The following AARS2 variants were observed in gnomAD, a reference collection of about 807,000 sequenced individuals.
AARS2 encodes the protein alanyl-tRNA synthetase 2, mitochondrial.
AARS2 carries 78 observed loss-of-function variants against 119.7 expected under a neutral mutation model. The observed-to-expected ratio is 0.65, with a 90% CI of 0.54 to 0.79. The LOEUF (loss-of-function observed/expected upper bound fraction) is 0.79, where lower values mean the gene tolerates loss of function less well. Among genes scored for constraint, AARS2 ranks in the 30% least tolerant of loss-of-function variants. AARS2 has a pLI of 0.00. For synonymous variants in AARS2, 502 were observed against 526.3 expected (o/e 0.95, Z 0.63); for missense variants, 1,157 against 1,291.3 (o/e 0.90, Z 1.59).
At chr6:44,313,048 C>T in intron 1 of AARS2, 33 bp downstream of exon 1, 1 of 1,611,724 alleles carries the variant, frequency 6.2e-7, no homozygotes, top group Admixed American at 1.7e-5. Flanking sequence ...AACTCACGAA[C>T]TCCGCTCCCT....
chr6:44,310,943 C>A, intron 4 of AARS2, 51 bp downstream of exon 4: 1 of 1,611,500 alleles, frequency 6.2e-7, no homozygotes, highest in Non-Finnish European at 8.5e-7. Flanking sequence ...CTAATTGCCA[C>A]CTTTCCCACT....
At chr6:44,310,230 T>C (rs1786227494) in intron 5 of AARS2, 69 bp downstream of exon 5, 4 of 1,526,992 alleles carry the variant, frequency 2.6e-6, no homozygotes, top group Non-Finnish European at 2.7e-6. Context: ...TCAACAAAGA[T>C]GGAATGCAAT....
Position 44,303,176 on chromosome 6 carries a change from C to T in AARS2, c.2146-1G>A, listed in dbSNP as rs1785507321. ...CCACCCGCACAGGGTCTGGGTAAAC[C>T]TGAGGTCAAGAGGGGACAGGCCCGT... is the stretch of plus-strand genomic sequence containing the variant. On this transcript the variant is annotated splice_acceptor_variant, in intron 15 of 21. Transcript: ENST00000244571. LOFTEE classifies it high-confidence loss of function. 1 of 1,614,050 alleles carries T rather than the reference C, an allele frequency of 6.2e-7. No individual in the cohort carries two copies. The highest frequency in any genetic ancestry group is 1.3e-5 in the African/African-American group (1 of 74,936).
In AARS2 at chr6:44,307,182, G is replaced by T. The variant is rs906038016; in HGVS notation, c.1040+67C>A. On this transcript the variant is annotated intron_variant, in intron 6 of 21. Transcript: ENST00000244571. This position sits in a 1 kb window ranked among gnomAD's most constrained non-coding sequence, Gnocchi z 4.4. ...TGGCTCAACCAGACCCACCTCTCCT[G>T]TTCCCTCCCTCCTCCACCTGAGACC... 1 of 1,609,948 alleles carries T rather than the reference G, an allele frequency of 6.2e-7. No individual in the cohort carries two copies. The highest frequency in any genetic ancestry group is 8.5e-7 in the Non-Finnish European group (1 of 1,177,932).
chr6:44,306,165 T>G (rs1044846523), intron 9 of AARS2, 115 bp downstream of exon 9: 1 of 1,003,616 alleles, frequency 1.0e-6, no homozygotes, highest in East Asian at 2.4e-5. Flanking sequence ...GAAAGGAACA[T>G]TGGGAAGAGG....
intron 21 of AARS2, 85 bp downstream of exon 21, chr6:44,301,071 G>GTCT: frequency 4.6e-6 from 6 of 1,313,266 alleles, no homozygotes; most frequent in Non-Finnish European, 5.4e-6. Context: ...TGGCCCCTTT[G>GTCT]GGAGGAATTA....
intron 5 of AARS2, 75 bp downstream of exon 5, chr6:44,310,224 C>A (rs1786226944): frequency 1.3e-6 from 2 of 1,524,456 alleles, no homozygotes; most frequent in African/African-American, 1.4e-5. Flanking sequence ...GAGTTCTCAA[C>A]AAAGATGGAA....
rs1308143694 is a variant in AARS2 at position 44,313,157 on chromosome 6, T to A, written c.167A>T (p.His56Leu). The change falls in exon 1 of 22, where the codon CAC (histidine) becomes CTC (leucine). Residue 56 changes from histidine to leucine, a missense_variant. His to Leu is a moderately conservative substitution (Grantham distance 99). Coordinates refer to ENST00000244571, the MANE Select transcript of AARS2 (RefSeq NM_020745.4). ...FLNFFRDRHG[H>L]RLVPSASVRP... The stretch of plus-strand genomic sequence containing the variant: ...CACGGAAGCGGAGGGCACCAGCCGG[T>A]GGCCATGGCGGTCCCGAAAGAAGTT... The A allele has an allele frequency of 6.2e-7, 1 of 1,613,220 alleles. No individual in the cohort carries two copies. The highest frequency in any genetic ancestry group is 1.1e-5 in the South Asian group (1 of 90,990).
chr6:44,309,909 T>A (rs564575497), intron 5 of AARS2, among the ~76,000 whole-genome samples: 26 of 152,320 alleles, frequency 1.7e-4, no homozygotes, highest in Middle Eastern at 6.8e-3. Context: ...CTAGTTACTT[T>A]CACCCATGTT....
In AARS2 at chr6:44,303,165, T is replaced by A; in HGVS notation, c.2156A>T (p.Asp719Val). 1 of 1,614,056 alleles carries A rather than the reference T, an allele frequency of 6.2e-7. No individual in the cohort carries two copies. Among genetic ancestry groups the A allele is most frequent in the Non-Finnish European group, 8.5e-7 (1 of 1,180,012 alleles). Residue 719 changes from aspartate (D) to valine (V), a missense_variant, in exon 16 of 22, where the codon GAC becomes GTC. By Grantham distance (152) the Asp-to-Val change is radical (BLOSUM62 -3). Coordinates refer to ENST00000244571, the MANE Select transcript of AARS2 (RefSeq NM_020745.4). ...GLRSLDEVYP[D>V]PVRVVSVGVP... The stretch of plus-strand genomic sequence containing the variant: ...CCCCACTGATACCACCCGCACAGGG[T>A]CTGGGTAAACCTGAGGTCAAGAGGG...
Position 44,303,072 on chromosome 6 carries a change from C to T in AARS2, c.2249G>A (p.Cys750Tyr), listed in dbSNP as rs752088510. Reference sequence around the variant, plus strand: ...GCACAAAGGAGTGACTCACGTCCCACAGCATAGCTCCACAGAGGTCTGCAG... The same window carrying T: ...GCACAAAGGAGTGACTCACGTCCCATAGCATAGCTCCACAGAGGTCTGCAG... ...AALQTSVELC[C>Y]GTHLLRTGAV... is the part of the protein sequence containing the mutation. Residue 750 changes from cysteine (C) to tyrosine (Y), a missense_variant, in exon 16 of 22, where the codon TGT (cysteine) becomes TAT (tyrosine). Cys to Tyr is a radical substitution (Grantham distance 194). Coordinates refer to ENST00000244571, the MANE Select transcript of AARS2 (RefSeq NM_020745.4). 2 of 1,614,076 alleles carry T rather than the reference C, an allele frequency of 1.2e-6. No individual in the cohort carries two copies. The highest frequency in any genetic ancestry group is 1.7e-6 in the Non-Finnish European group (2 of 1,180,036).
rs1296215746 is a variant in AARS2, at chr6:44,312,290, G to C, written c.244-27C>G. 5 of 1,608,128 alleles carry C rather than the reference G, an allele frequency of 3.1e-6. No homozygotes were observed. The East Asian group carries it at 1.1e-4, about 36-fold the overall frequency. On this transcript the variant is annotated intron_variant, in intron 1 of 21. Coordinates refer to ENST00000244571, the MANE Select transcript of AARS2 (RefSeq NM_020745.4). ...TGGAAGCACATAGAGTGGGGAGGGGGAGAGGGATATCCAATTTCTCAGTAG... is the reference window on the plus strand; with the variant it reads ...TGGAAGCACATAGAGTGGGGAGGGGCAGAGGGATATCCAATTTCTCAGTAG...
At position 44,300,038 on chromosome 6, in the gene AARS2, G is replaced by A. The variant is rs1445426398; in HGVS notation, c.*509C>T. ...TCTGTCACCCAGGCTGGAGTGCAGT[G>A]GTGCGATCTTGGCCCACTGCAACCT... On this transcript the variant is annotated 3_prime_UTR_variant, in exon 22 of 22. Coordinates refer to ENST00000244571, the MANE Select transcript of AARS2 (RefSeq NM_020745.4). The A allele has an allele frequency of 5.3e-6, 1 of 188,510 alleles. No individual in the cohort carries two copies. The highest frequency in any genetic ancestry group is 2.3e-5 in the African/African-American group (1 of 42,596). The allele number at this position is 188,510 out of a possible 1,614,324, so 11.7% of individuals were successfully genotyped here. A position where few individuals can be genotyped will look rare whatever the true frequency, so the allele number is the denominator to read the frequency against.
At chr6:44,306,231 T>C (rs1380532435) in intron 9 of AARS2, 49 bp downstream of exon 9, 1 of 1,574,012 alleles carries the variant, frequency 6.4e-7, no homozygotes, top group Admixed American at 1.7e-5. Context: ...CTGCCCACCT[T>C]GGTGAGTCTC....
At position 44,304,714 on chromosome 6, in the gene AARS2, C is replaced by T. The variant is rs1192693122; in HGVS notation, c.1683G>A (p.Arg561=). 5 of 1,614,134 alleles carry T rather than the reference C, an allele frequency of 3.1e-6. No homozygotes were observed. The highest frequency in any genetic ancestry group is 1.3e-5 in the African/African-American group (1 of 74,938). The change falls in exon 12 of 22, where the codon AGG becomes AGA. Residue 561 remains arginine, a synonymous_variant. Transcript: ENST00000244571. The part of the protein sequence containing the change: ...KGQRCGLLLD[R]TNFYAEQGGQ... The stretch of plus-strand genomic sequence containing the variant: ...CCCCCTGTTCTGCGTAGAAGTTGGT[C>T]CTGTCCAAGAGGAGGCCACAGCGCT...
rs1422377989 is a variant in AARS2 at position 44,311,511 on chromosome 6, C to G, written c.460G>C (p.Glu154Gln). 1 of 1,614,070 alleles carries G rather than the reference C, an allele frequency of 6.2e-7. No individual in the cohort carries two copies. The change falls in exon 3 of 22, where the codon GAA becomes CAA. Residue 154 changes from glutamate (E) to glutamine (Q), a missense_variant. Physicochemically the swap from Glu to Gln is conservative, Grantham distance 29 (BLOSUM62 2). Coordinates refer to ENST00000244571, the MANE Select transcript of AARS2 (RefSeq NM_020745.4). ...ATCCCATAGACCTGAGTCAGCAGTT[C>G]CCAGGCCATGTTACAAGCCTCCTCC... ...FKEEACNMAW[E>Q]LLTQVYGIPE...
Position 44,307,311 on chromosome 6 carries a change from G to A in AARS2, c.978C>T (p.Asp326=). ...TGCAGACACTGAGTGTGCGGATGTG[G>A]TCAGCCACCACGCGGTACGCTGTGT... ...RTDTAYRVVA[D]HIRTLSVCIS... Residue 326 remains aspartate (D), a synonymous_variant, in exon 6 of 22, where the codon GAC becomes GAT. Transcript: ENST00000244571. This position sits in a 1 kb window ranked among gnomAD's most constrained non-coding sequence, Gnocchi z 4.4. 1 of 1,613,852 alleles carries A rather than the reference G, an allele frequency of 6.2e-7. No individual in the cohort carries two copies. Among genetic ancestry groups the A allele is most frequent in the Non-Finnish European group, 8.5e-7 (1 of 1,179,894 alleles).
chr6:44,303,975 G>A (rs1246667261), intron 14 of AARS2, among the ~76,000 whole-genome samples: 1 of 152,142 alleles, frequency 6.6e-6, no homozygotes, highest in East Asian at 1.9e-4. Context: ...ATCAGAGCTG[G>A]GCGAGGCCCC....
At position 44,300,413 on chromosome 6, in the gene AARS2, A is replaced by T; in HGVS notation, c.*134T>A. The T allele has an allele frequency of 7.6e-7, 1 of 1,311,536 alleles. No homozygotes were observed. The highest frequency in any genetic ancestry group is 1.1e-6 in the Non-Finnish European group (1 of 917,904). The allele number at this position is 1,311,536 out of a possible 1,614,324, so 81.2% of individuals were successfully genotyped here. A position where few individuals can be genotyped will look rare whatever the true frequency, so the allele number is the denominator to read the frequency against. ...CCTTGTGTCACGTAGGCCCTGGCCC[A>T]GGTGATCTTCTTTGGCTCAGCTGCT... On this transcript the variant is annotated 3_prime_UTR_variant, in exon 22 of 22. Coordinates refer to ENST00000244571, the MANE Select transcript of AARS2 (RefSeq NM_020745.4).
Sources: allele counts gnomAD v4.1 joint callset (sites outside exome capture counted in the v4.1 genomes callset), GRCh38; gene constraint gnomAD v4.1.1; non-coding constraint Gnocchi (gnomAD v3.1); transcripts MANE v1.5; gene names NCBI Gene and HGNC (gene_info 2026-07-23, HGNC 2026-07-21).